RO60: variants seen among roughly 807,000 people sequenced by gnomAD.
RO60 encodes the protein RNA-binding protein RO60.
RO60 carries 20 observed loss-of-function variants against 55.3 expected under a neutral mutation model. The observed-to-expected ratio is 0.36, with a 90% CI of 0.25 to 0.53. RO60 has a LOEUF of 0.53. Among genes scored for constraint, RO60 ranks in the 20% least tolerant of loss-of-function variants. The pLI is 0.92. For synonymous variants in RO60, 213 were observed against 213.6 expected (o/e 1.00, Z 0.02); for missense variants, 558 against 646.6 (o/e 0.86, Z 1.49).
chr1:193,069,266 G>A lies in RO60; in HGVS notation c.212G>A (p.Cys71Tyr). ...AGATTGATTGAAGATGGCAGAGGAT[G>A]TGAAGTGATACAAGAAATAAAGTCA... Reference protein sequence around the residue: ...LIRLIEDGRGCEVIQEIKSFS... With the variant: ...LIRLIEDGRGYEVIQEIKSFS... Residue 71 changes from cysteine (C) to tyrosine (Y), a missense_variant, in exon 2 of 9, where the codon TGT (cysteine) becomes TAT (tyrosine). Transcript: ENST00000400968. 6.2e-7 allele frequency: 1 copy of A among 1,614,236 alleles called. No homozygotes were observed. Among genetic ancestry groups the A allele is most frequent in the Non-Finnish European group, 8.5e-7 (1 of 1,180,034 alleles).
In RO60 at chr1:193,082,157, C is replaced by G. The variant is rs751385311; in HGVS notation, c.1204-29C>G. On this transcript the variant is annotated intron_variant, in intron 6 of 8. Coordinates refer to ENST00000400968, the MANE Select transcript of RO60 (RefSeq NM_001173524.2). ...AATATTGTATTTCCCCCCAAATTTG[C>G]TGAAAATTACTGCCATTGAATTTTT... 7.1e-6 allele frequency: 10 copies of G among 1,416,296 alleles called. No homozygotes were observed. The South Asian group carries it at 1.2e-4, about 17-fold the overall frequency. The allele number at this position is 1,416,296 out of a possible 1,614,324, so 87.7% of individuals were successfully genotyped here. A position where few individuals can be genotyped will look rare whatever the true frequency, so the allele number is the denominator to read the frequency against.
At chr1:193,083,088 TTAC>T (rs1472814010) in intron 8 of RO60, among the ~76,000 whole-genome samples, 1 of 152,170 alleles carries the variant, frequency 6.6e-6, no homozygotes, top group African/African-American at 2.4e-5. Context: ...TCAAAAAATG[TTAC>T]TACAAGTAGT....
In RO60 at chr1:193,084,922, G is replaced by C. The variant is rs1674554730; in HGVS notation, c.*191G>C. 6.6e-7 allele frequency: 1 copy of C among 1,505,696 alleles called. No individual in the cohort carries two copies. Among genetic ancestry groups the C allele is most frequent in the African/African-American group, 1.4e-5 (1 of 70,582 alleles). The allele number at this position is 1,505,696 out of a possible 1,614,324, so 93.3% of individuals were successfully genotyped here. A position where few individuals can be genotyped will look rare whatever the true frequency, so the allele number is the denominator to read the frequency against. ...GCCCAAAGGTCTATCTACTAAACTA[G>C]CTCTTGGGGAAATAGCTTCAGGATA... On this transcript the variant is annotated 3_prime_UTR_variant, in exon 9 of 9. Coordinates refer to ENST00000400968, the MANE Select transcript of RO60 (RefSeq NM_001173524.2).
chr1:193,074,846 C>T (rs1302241296), intron 2 of RO60, among the ~76,000 whole-genome samples: 1 of 152,216 alleles, frequency 6.6e-6, no homozygotes, highest in African/African-American at 2.4e-5. Context: ...AGGTTTTCTT[C>T]TAGGGCTTTT....
At chr1:193,062,577 G>T (rs1017050089) in intron 1 of RO60, among the ~76,000 whole-genome samples, 1 of 151,976 alleles carries the variant, frequency 6.6e-6, no homozygotes, top group East Asian at 1.9e-4. Context: ...CAGTGCATTG[G>T]GTTCTAGTAT....
At chr1:193,083,166 A>G (rs570957695) in intron 8 of RO60, among the ~76,000 whole-genome samples, 1 of 152,364 alleles carries the variant, frequency 6.6e-6, no homozygotes, top group African/African-American at 2.4e-5. Context: ...AAGAAAAAGT[A>G]TTGATTACAC....
Position 193,085,769 on chromosome 1 carries a change from C to G in RO60, c.*1038C>G. ...ATTATTCATTTTGTGGCAAAATATTCTTCTTTGATAGTGTAAACAAATAAT... is the reference window on the plus strand; with the variant it reads ...ATTATTCATTTTGTGGCAAAATATTGTTCTTTGATAGTGTAAACAAATAAT... On this transcript the variant is annotated 3_prime_UTR_variant, in exon 9 of 9. Coordinates refer to ENST00000400968, the MANE Select transcript of RO60 (RefSeq NM_001173524.2). 2 of 984,830 alleles carry G rather than the reference C, an allele frequency of 2.0e-6. No homozygotes were observed. Among genetic ancestry groups the G allele is most frequent in the Non-Finnish European group, 2.4e-6 (2 of 829,592 alleles). 61.0% of individuals were successfully genotyped at this position (984,830 alleles called of 1,614,324 possible).
At position 193,059,763 on chromosome 1, in the gene RO60, G is replaced by A. The variant is rs773262274; in HGVS notation, c.-35G>A. On this transcript the variant is annotated 5_prime_UTR_variant, in exon 1 of 9. Transcript: ENST00000400968. This position sits in a 1 kb window ranked among gnomAD's most constrained non-coding sequence, Gnocchi z 4.9. ...GCGGCGCTGCGGATCCAGGGGGTCG[G>A]CTGCCAGGTACAGGTGAGGACATTG... The A allele has an allele frequency of 1.8e-5, 25 of 1,355,640 alleles. No individual in the cohort carries two copies. In the African/African-American group the frequency reaches 2.5e-4, roughly 14 times the overall value. 84.0% of individuals were successfully genotyped at this position (1,355,640 alleles called of 1,614,324 possible). A position where few individuals can be genotyped will look rare whatever the true frequency, so the allele number is the denominator to read the frequency against.
chr1:193,062,790 G>A (rs1672866388), intron 1 of RO60, among the ~76,000 whole-genome samples: 1 of 152,162 alleles, frequency 6.6e-6, no homozygotes, highest in Admixed American at 6.5e-5. Flanking sequence ...ACAATATGTG[G>A]CCTTTTGTGA....
chr1:193,069,438 T>C lies in RO60; in HGVS notation c.384T>C (p.Phe128=). The change falls in exon 2 of 9, where the codon TTT becomes TTC. Residue 128 remains phenylalanine (F), a synonymous_variant. Transcript: ENST00000400968. ...GCATTCCTACCCATCTCTTTACTTT[T>C]ATCCAGTTTAAGAAAGATCTGAAGG... ...VCRIPTHLFT[F]IQFKKDLKES... is the part of the protein sequence containing the mutation. The C allele has an allele frequency of 6.2e-7, 1 of 1,614,246 alleles. No individual in the cohort carries two copies. The highest frequency in any genetic ancestry group is 8.5e-7 in the Non-Finnish European group (1 of 1,180,040).
chr1:193,082,608 A>G lies in RO60; in HGVS notation c.1364A>G (p.Gln455Arg). The G allele has an allele frequency of 6.2e-7, 1 of 1,614,046 alleles. No homozygotes were observed. The highest frequency in any genetic ancestry group is 8.5e-7 in the Non-Finnish European group (1 of 1,179,986). Residue 455 changes from glutamine to arginine, a missense_variant, in exon 8 of 9, where the codon CAG becomes CGG. Transcript: ENST00000400968. ...TGCTCTCTTCCAATGATCTGGGCTC[A>G]GAAGACAAACACACCTGCTGATGTC... Reference protein sequence around the residue: ...TDCSLPMIWAQKTNTPADVFI... With the variant: ...TDCSLPMIWARKTNTPADVFI...
At position 193,059,846 on chromosome 1, in the gene RO60, T is replaced by A; in HGVS notation, c.-22+70T>A. The stretch of plus-strand genomic sequence containing the variant: ...CCAGGGACGCGCAAATTCTGACCAG[T>A]CCTCCATGTCTCTCACCCGCATCCC... On this transcript the variant is annotated intron_variant, in intron 1 of 8. Coordinates refer to ENST00000400968, the MANE Select transcript of RO60 (RefSeq NM_001173524.2). The surrounding 1 kb of genome is among the most constrained non-coding windows in gnomAD (Gnocchi z 4.9). 2 of 1,362,228 alleles carry A rather than the reference T, an allele frequency of 1.5e-6. No homozygotes were observed. Among genetic ancestry groups the A allele is most frequent in the Non-Finnish European group, 2.0e-6 (2 of 1,019,960 alleles). 84.4% of individuals were successfully genotyped at this position (1,362,228 alleles called of 1,614,324 possible). A position where few individuals can be genotyped will look rare whatever the true frequency, so the allele number is the denominator to read the frequency against.
Position 193,076,846 on chromosome 1 carries a change from A to G in RO60, c.949-67A>G, listed in dbSNP as rs575353781. On this transcript the variant is annotated intron_variant, in intron 4 of 8. Transcript: ENST00000400968. ...AAATGTAGTTATTAGCTACAATAAC[A>G]CAAAAATCTAAGGAGTATACATAAT... 5 of 1,500,868 alleles carry G rather than the reference A, an allele frequency of 3.3e-6. No homozygotes were observed. In the Admixed American group the frequency reaches 8.6e-5, roughly 26 times the overall value. 93.0% of individuals were successfully genotyped at this position (1,500,868 alleles called of 1,614,324 possible).
rs940244447 is a variant in RO60 at position 193,084,923 on chromosome 1, C to T, written c.*192C>T. On this transcript the variant is annotated 3_prime_UTR_variant, in exon 9 of 9. Coordinates refer to ENST00000400968, the MANE Select transcript of RO60 (RefSeq NM_001173524.2). ...CCCAAAGGTCTATCTACTAAACTAG[C>T]TCTTGGGGAAATAGCTTCAGGATAC... is the stretch of plus-strand genomic sequence containing the variant. 1.3e-6 allele frequency: 2 copies of T among 1,506,944 alleles called. No homozygotes were observed. Among genetic ancestry groups the T allele is most frequent in the East Asian group, 2.5e-5 (1 of 40,690 alleles). The allele number at this position is 1,506,944 out of a possible 1,614,324, so 93.3% of individuals were successfully genotyped here. A position where few individuals can be genotyped will look rare whatever the true frequency, so the allele number is the denominator to read the frequency against.
chr1:193,063,536 T>A (rs1451893254), intron 1 of RO60, among the ~76,000 whole-genome samples: 1 of 152,250 alleles, frequency 6.6e-6, no homozygotes, highest in African/African-American at 2.4e-5. Context: ...GATGGTGTCC[T>A]TGGAAATACA....
intron 1 of RO60, among the ~76,000 whole-genome samples, chr1:193,062,394 A>G (rs1672841830): frequency 1.3e-5 from 2 of 152,354 alleles, no homozygotes; most frequent in South Asian, 4.1e-4. Context: ...ATTTTTGTGT[A>G]ATCAATTGTA....
At position 193,081,458 on chromosome 1, in the gene RO60, C is replaced by T. The variant is rs758797116; in HGVS notation, c.1181C>T (p.Thr394Ile). ...TTGGGTAGTATACTCAACGCTAGTA[C>T]AGTTGCTGCAGCAATGTGCATGGTG... ...RVLGSILNAS[T>I]VAAAMCMVVT... Residue 394 changes from threonine to isoleucine, a missense_variant, in exon 6 of 9, where the codon ACA (threonine) becomes ATA (isoleucine). Thr to Ile is a moderately conservative substitution (Grantham distance 89). Transcript: ENST00000400968. The T allele has an allele frequency of 4.4e-6, 7 of 1,608,266 alleles. No homozygotes were observed. Among genetic ancestry groups the T allele is most frequent in the Non-Finnish European group, 3.4e-6 (4 of 1,176,398 alleles).
downstream of RO60, chr1:193,091,763 T>C: frequency 8.3e-7 from 1 of 1,201,718 alleles, no homozygotes. Context: ...CCAAATAAAC[T>C]CTATGCACAT....
At position 193,090,795 on chromosome 1, in the gene RO60, ACTTTC is replaced by A. The variant is rs1674826668; in HGVS notation, c.*6068_*6072del. ...GCTCTGTAATTCAGGCATACTAGTT[ACTTTC>A]CTTGGGGTCTGTTTAAATAATGCCT... On this transcript the variant is annotated 3_prime_UTR_variant, in exon 9 of 9. Transcript: ENST00000400968. 4 of 152,156 alleles carry A rather than the reference ACTTTC, an allele frequency of 2.6e-5. No individual in the cohort carries two copies. 9.4% of individuals were successfully genotyped at this position (152,156 alleles called of 1,614,324 possible).
Sources: allele counts gnomAD v4.1 joint callset (sites outside exome capture counted in the v4.1 genomes callset), GRCh38; gene constraint gnomAD v4.1.1; non-coding constraint Gnocchi (gnomAD v3.1); transcripts MANE v1.5; gene names NCBI Gene and HGNC (gene_info 2026-07-23, HGNC 2026-07-21).